The following KMT2A variants were observed in gnomAD, a reference collection of about 807,000 sequenced individuals.
KMT2A encodes the protein lysine methyltransferase 2A, also known as histone-lysine N-methyltransferase 2A.
KMT2A carries 16 observed loss-of-function variants against 345.3 expected under a neutral mutation model. The ratio of observed to expected loss-of-function variants is 0.05; its 90% CI spans 0.03 to 0.07. KMT2A has a LOEUF of 0.07. Ranked by LOEUF, KMT2A falls within the 10% of genes least tolerant of loss-of-function variation. KMT2A has a pLI of 1.00. For synonymous variants in KMT2A, 1,599 were observed against 1,778.6 expected, an observed-to-expected ratio of 0.90 and a Z score of 2.54; for missense variants, 3,272 against 4,841.6, an observed-to-expected ratio of 0.68 and a Z score of 9.62.
chr11:118,516,252 T>C (rs1245570305), intron 31 of KMT2A, among the ~76,000 whole-genome samples: 1 of 152,084 alleles, frequency 6.6e-6, no homozygotes, highest in Non-Finnish European at 1.5e-5. Flanking sequence ...GGTGGGTAGT[T>C]GGTGACAGGA....
At chr11:118,444,787 T>C (rs1338922025) in intron 1 of KMT2A, among the ~76,000 whole-genome samples, 1 of 152,094 alleles carries the variant, frequency 6.6e-6, no homozygotes, top group Non-Finnish European at 1.5e-5. Flanking sequence ...GTTGCCCAGG[T>C]TGGTCTTGAA....
intron 1 of KMT2A, among the ~76,000 whole-genome samples, chr11:118,457,584 T>A (rs1356999483): frequency 3.3e-5 from 5 of 151,816 alleles, no homozygotes; most frequent in Non-Finnish European, 1.5e-5. Flanking sequence ...TTTTTTTCCC[T>A]TCAATATCTT....
intron 31 of KMT2A, among the ~76,000 whole-genome samples, chr11:118,514,427 T>C (rs1416488687): frequency 1.3e-5 from 2 of 150,532 alleles, no homozygotes; most frequent in African/African-American, 2.4e-5. Flanking sequence ...CTGTTCCAGA[T>C]CCATCCATGT....
chr11:118,498,632 C>A lies in KMT2A; in HGVS notation c.5961+104C>A, dbSNP rs1950449156. 6 of 1,120,598 alleles carry A rather than the reference C, an allele frequency of 5.4e-6. No homozygotes were observed. In the Admixed American group the frequency reaches 1.0e-4, roughly 19 times the overall value. The allele number at this position is 1,120,598 out of a possible 1,614,324, so 69.4% of individuals were successfully genotyped here. On this transcript the variant is annotated intron_variant, in intron 22 of 35. Coordinates refer to ENST00000534358, the MANE Select transcript of KMT2A (RefSeq NM_001197104.2). The surrounding 1 kb of genome is among the most constrained non-coding windows in gnomAD (Gnocchi z 4.4). ...GGAAGGTACAGAGATTTCCCATATG[C>A]CCCCTGCACCCACATATGCACAGCC...
rs1555138799 is a variant in KMT2A, at chr11:118,436,894, C to A, written c.382C>A (p.Arg128=). ...VSAAIGTNLR[R]FRAVFGESGG... ...GGCCGCCATCGGCACCAACCTGCGC[C>A]GGTTCCGGGCCGTGTTTGGGGAGAG... Residue 128 remains arginine (R), a synonymous_variant, in exon 1 of 36, where the codon CGG becomes AGG. Coordinates refer to ENST00000534358, the MANE Select transcript of KMT2A (RefSeq NM_001197104.2). This position sits in a 1 kb window ranked among gnomAD's most constrained non-coding sequence, Gnocchi z 6.9. 6.3e-7 allele frequency: 1 copy of A among 1,583,872 alleles called. No homozygotes were observed. Among genetic ancestry groups the A allele is most frequent in the Non-Finnish European group, 8.6e-7 (1 of 1,164,862 alleles).
intron 11 of KMT2A, among the ~76,000 whole-genome samples, chr11:118,488,986 T>G (rs897816153): frequency 6.6e-6 from 1 of 152,094 alleles, no homozygotes; most frequent in Non-Finnish European, 1.5e-5. Context: ...ATTTAAAGTA[T>G]ATGGTGGGCG....
chr11:118,506,032 A>C lies in KMT2A; in HGVS notation c.10140A>C (p.Ser3380=), dbSNP rs1555048176. Residue 3380 remains serine, a synonymous_variant, in exon 27 of 36, where the codon TCA becomes TCC. Transcript: ENST00000534358. ...TGCTTGGTACCCCAGATATTGGCTC[A>C]ATAAGCAATCTTTTAATCAAAGCTA... ...PRLLGTPDIG[S]ISNLLIKASQ... 2 of 1,614,226 alleles carry C rather than the reference A, an allele frequency of 1.2e-6. No individual in the cohort carries two copies. Among genetic ancestry groups the C allele is most frequent in the Admixed American group, 3.3e-5 (2 of 60,032 alleles).
rs1300600770 is a variant in KMT2A at position 118,501,763 on chromosome 11, T to C, written c.6411T>C (p.Cys2137=). 4 of 1,614,014 alleles carry C rather than the reference T, an allele frequency of 2.5e-6. No homozygotes were observed. In the African/African-American group the frequency reaches 5.3e-5, roughly 22 times the overall value. ...RPPHSQTSGS[C]YYHVISKVPR... is the part of the protein sequence containing the mutation. The stretch of plus-strand genomic sequence containing the variant: ...CTCATTCACAAACCTCTGGCTCCTG[T>C]TATTATCATGTCATCTCAAAGGTCC... The change falls in exon 26 of 36, where the codon TGT becomes TGC. Residue 2137 remains cysteine (C), a synonymous_variant. Coordinates refer to ENST00000534358, the MANE Select transcript of KMT2A (RefSeq NM_001197104.2).
chr11:118,454,673 G>T (rs537954683), intron 1 of KMT2A, among the ~76,000 whole-genome samples: 3 of 152,128 alleles, frequency 2.0e-5, no homozygotes, highest in African/African-American at 7.2e-5. Context: ...CAAGCTCGTC[G>T]TAAAGTCAAA....
At chr11:118,438,923 C>T (rs1565560201) in intron 1 of KMT2A, 1 of 405,418 alleles carries the variant, frequency 2.5e-6, no homozygotes, top group South Asian at 1.8e-5. Context: ...CTTTTCCCAG[C>T]CTTCAGAAGG....
Position 118,521,610 on chromosome 11 carries a change from T to C in KMT2A, c.11643+193T>C, listed in dbSNP as rs1177732802. Among the ~76,000 whole-genome samples the C allele has an allele frequency of 6.6e-6, 1 of 152,206 alleles. No individual in the cohort carries two copies. The highest frequency in any genetic ancestry group is 6.5e-5 in the Admixed American group (1 of 15,280). ...TCTGAGGATTAGTACAGAAAGTTGC[T>C]CTTAGAAGGTTTGTCTGAGTGGCTC... On this transcript the variant is annotated intron_variant, in intron 35 of 35. Transcript: ENST00000534358. The surrounding 1 kb of genome is among the most constrained non-coding windows in gnomAD (Gnocchi z 5.3).
In KMT2A at chr11:118,497,546, C is replaced by G. The variant is rs1193153180; in HGVS notation, c.5665-390C>G. ...GAGTAGCTGAGACCACAGATGCGCA[C>G]CACCATGCCTGGCTAATTTTTGTTT... is the stretch of plus-strand genomic sequence containing the variant. On this transcript the variant is annotated intron_variant, in intron 20 of 35. Coordinates refer to ENST00000534358, the MANE Select transcript of KMT2A (RefSeq NM_001197104.2). This position sits in a 1 kb window ranked among gnomAD's most constrained non-coding sequence, Gnocchi z 4.8. Among the ~76,000 whole-genome samples the G allele has an allele frequency of 6.6e-6, 1 of 151,994 alleles. No homozygotes were observed. The highest frequency in any genetic ancestry group is 1.5e-5 in the Non-Finnish European group (1 of 67,998).
Position 118,491,553 on chromosome 11 carries a change from C to G in KMT2A, c.4820-191C>G, listed in dbSNP as rs1950324510. ...GTTCCATAACCTGATTCTCAATAAC[C>G]AAATTCAGGATTAGTGTTAATTAAT... On this transcript the variant is annotated intron_variant, in intron 14 of 35. Coordinates refer to ENST00000534358, the MANE Select transcript of KMT2A (RefSeq NM_001197104.2). The surrounding 1 kb of genome is among the most constrained non-coding windows in gnomAD (Gnocchi z 4.2). 6.6e-6 allele frequency among the ~76,000 whole-genome samples: 1 copy of G among 152,046 alleles called. No individual in the cohort carries two copies. The highest frequency in any genetic ancestry group is 6.6e-5 in the Admixed American group (1 of 15,258).
rs782022294 is a variant in KMT2A at position 118,504,112 on chromosome 11, C to T, written c.8220C>T (p.Ser2740=). The T allele has an allele frequency of 6.2e-7, 1 of 1,614,148 alleles. No individual in the cohort carries two copies. The highest frequency in any genetic ancestry group is 1.1e-5 in the South Asian group (1 of 91,082). Residue 2740 remains serine (S), a synonymous_variant, in exon 27 of 36, where the codon AGC becomes AGT. Coordinates refer to ENST00000534358, the MANE Select transcript of KMT2A (RefSeq NM_001197104.2). This position sits in a 1 kb window ranked among gnomAD's most constrained non-coding sequence, Gnocchi z 6.4. The part of the protein sequence containing the change: ...DTSVTATTRK[S]SQIPKRNGKE... ...GTGTCACAGCCACAACAAGGAAAAG[C>T]AGCCAGATTCCAAAAAGAAATGGTA...
chr11:118,462,220 C>T (rs546491675), intron 1 of KMT2A, among the ~76,000 whole-genome samples: 61 of 152,286 alleles, frequency 4.0e-4, no homozygotes, highest in African/African-American at 1.4e-3. Flanking sequence ...TTCCAAAGTG[C>T]TGGGATTACA....
At position 118,473,952 on chromosome 11, in the gene KMT2A, A is replaced by G; in HGVS notation, c.2793A>G (p.Thr931=). The G allele has an allele frequency of 6.2e-7, 1 of 1,614,036 alleles. No homozygotes were observed. Among genetic ancestry groups the G allele is most frequent in the South Asian group, 1.1e-5 (1 of 91,090 alleles). Residue 931 remains threonine, a synonymous_variant, in exon 3 of 36, where the codon ACA becomes ACG. Coordinates refer to ENST00000534358, the MANE Select transcript of KMT2A (RefSeq NM_001197104.2). The surrounding 1 kb of genome is among the most constrained non-coding windows in gnomAD (Gnocchi z 5.2). ...CTTCATCTTCTGCCAAAAAAGCAACAGGGCGGAAGAAGTCTTCATCACATG... is the reference window on the plus strand; with the variant it reads ...CTTCATCTTCTGCCAAAAAAGCAACGGGGCGGAAGAAGTCTTCATCACATG... ...VATSSSAKKA[T]GRKKSSSHDS...
intron 11 of KMT2A, 90 bp downstream of exon 11, chr11:118,488,850 C>A: frequency 7.9e-7 from 1 of 1,264,496 alleles, no homozygotes; most frequent in Non-Finnish European, 1.1e-6. Context: ...TTGAATGTAT[C>A]TGGGAAAAAA....
Position 118,505,437 on chromosome 11 carries a change from A to G in KMT2A, c.9545A>G (p.Asn3182Ser), listed in dbSNP as rs770458074. 49 of 1,613,914 alleles carry G rather than the reference A, an allele frequency of 3.0e-5. No individual in the cohort carries two copies. Among genetic ancestry groups the G allele is most frequent in the East Asian group, 4.5e-5 (2 of 44,888 alleles). ...AGTAGTTTCCCACCAAACATCAGCA[A>G]TCCTCCTTCAGGCCTGCTTATTGGG... Reference protein sequence around the residue: ...TQSSFPPNISNPPSGLLIGVQ... With the variant: ...TQSSFPPNISSPPSGLLIGVQ... The change falls in exon 27 of 36, where the codon AAT (asparagine) becomes AGT (serine). Residue 3182 changes from asparagine (N) to serine (S), a missense_variant. By Grantham distance (46) the Asn-to-Ser change is conservative. Transcript: ENST00000534358. This position sits in a 1 kb window ranked among gnomAD's most constrained non-coding sequence, Gnocchi z 4.6.
At chr11:118,470,206 G>A (rs1452263709) in intron 2 of KMT2A, among the ~76,000 whole-genome samples, 1 of 152,198 alleles carries the variant, frequency 6.6e-6, no homozygotes, top group African/African-American at 2.4e-5. Flanking sequence ...GAGGTTTTCA[G>A]AATTGATAAA....
Sources: allele counts gnomAD v4.1 joint callset (sites outside exome capture counted in the v4.1 genomes callset), GRCh38; gene constraint gnomAD v4.1.1; non-coding constraint Gnocchi (gnomAD v3.1); transcripts MANE v1.5; gene names NCBI Gene and HGNC (gene_info 2026-07-23, HGNC 2026-07-21).